Variants in NELL2 observed in about 807,000 individuals in gnomAD.
NELL2 encodes the protein neural EGFL like 2.
In NELL2, 41 loss-of-function variants were observed where a neutral mutation model predicts 109.6. The observed-to-expected ratio is 0.37, with a 90% confidence interval of 0.29 to 0.49. NELL2 has a LOEUF of 0.49. NELL2 is among the 20% of genes least tolerant of loss of function. NELL2 has a pLI of 0.98. For missense variants in NELL2, 900 were observed against 1,008.3 expected, an observed-to-expected ratio of 0.89 and a Z score of 1.45; for synonymous variants, 355 against 344.7, an observed-to-expected ratio of 1.03 and a Z score of -0.33.
chr12:44,540,066 T>A (rs1344066086), intron 15 of NELL2, among the ~76,000 whole-genome samples: 2 of 152,132 alleles, frequency 1.3e-5, no homozygotes, highest in East Asian at 3.9e-4. Flanking sequence ...TTAGATGGAG[T>A]ACAATAGGTG....
intron 9 of NELL2, among the ~76,000 whole-genome samples, chr12:44,726,395 AGTGG>A (rs1269681146): frequency 1.3e-5 from 2 of 152,110 alleles, no homozygotes; most frequent in Non-Finnish European, 2.9e-5. Flanking sequence ...TGTTGCCTAA[AGTGG>A]GTGATGCAAT....
intron 2 of NELL2, among the ~76,000 whole-genome samples, chr12:44,866,357 T>C (rs1944999708): frequency 6.6e-6 from 1 of 152,028 alleles, no homozygotes; most frequent in Non-Finnish European, 1.5e-5. Context: ...GAACAACTAA[T>C]TGGTCAAAAA....
chr12:44,665,459 T>C, intron 13 of NELL2, 25 bp downstream of exon 13: 1 of 1,568,234 alleles, frequency 6.4e-7, no homozygotes, highest in Non-Finnish European at 8.6e-7. Flanking sequence ...AAAAATATTT[T>C]ATTTCACAAA....
chr12:44,781,170 C>T (rs962811175), intron 3 of NELL2, among the ~76,000 whole-genome samples: 4 of 150,192 alleles, frequency 2.7e-5, no homozygotes, highest in African/African-American at 9.8e-5. Flanking sequence ...TAGAAAGTTT[C>T]AATAAAGAAA....
intron 3 of NELL2, among the ~76,000 whole-genome samples, chr12:44,791,048 C>A (rs377447703): frequency 8.9e-6 from 1 of 112,510 alleles, no homozygotes; most frequent in East Asian, 2.6e-4. Context: ...GAGATAGACA[C>A]CAAGAAGAAA....
At chr12:44,694,766 T>C (rs1271153153) in intron 12 of NELL2, among the ~76,000 whole-genome samples, 1 of 152,032 alleles carries the variant, frequency 6.6e-6, no homozygotes, top group Non-Finnish European at 1.5e-5. Context: ...AGCCTCCCAT[T>C]AGATCCAGCA....
intron 13 of NELL2, among the ~76,000 whole-genome samples, chr12:44,624,807 T>G (rs1946179966): frequency 1.3e-5 from 2 of 151,866 alleles, no homozygotes; most frequent in Non-Finnish European, 2.9e-5. Flanking sequence ...ACTTGGTCTC[T>G]GCATTCTCCA....
At chr12:44,829,267 T>G (rs1287111401) in intron 2 of NELL2, among the ~76,000 whole-genome samples, 1 of 152,162 alleles carries the variant, frequency 6.6e-6, no homozygotes, top group Non-Finnish European at 1.5e-5. Flanking sequence ...ATTCACAACT[T>G]TAATAGCCTG....
intron 15 of NELL2, among the ~76,000 whole-genome samples, chr12:44,579,842 A>T (rs1289669392): frequency 6.6e-6 from 1 of 152,112 alleles, no homozygotes; most frequent in Non-Finnish European, 1.5e-5. Flanking sequence ...TATTACCTCA[A>T]TTACCTCATC....
chr12:44,514,941 T>C (rs1462698476), intron 19 of NELL2, among the ~76,000 whole-genome samples: 2 of 150,990 alleles, frequency 1.3e-5, no homozygotes, highest in Non-Finnish European at 3.0e-5. Context: ...TATAATAAGT[T>C]AATGATATAT....
chr12:44,719,073 T>C (rs73278117), intron 9 of NELL2, among the ~76,000 whole-genome samples: 11,613 of 152,226 alleles, frequency 0.076, 1,431 homozygotes, highest in African/African-American at 0.26. Flanking sequence ...ATAATTATGA[T>C]GGAATCCAAA....
intron 3 of NELL2, among the ~76,000 whole-genome samples, chr12:44,806,060 T>C (rs926370538): frequency 1.3e-5 from 2 of 151,642 alleles, no homozygotes; most frequent in African/African-American, 2.4e-5. Flanking sequence ...ATCCCACCCT[T>C]TAGAGACAGA....
At chr12:44,598,041 C>T (rs903775086) in intron 15 of NELL2, among the ~76,000 whole-genome samples, 2 of 151,446 alleles carry the variant, frequency 1.3e-5, no homozygotes, top group Non-Finnish European at 2.9e-5. Flanking sequence ...CTGTCATTCA[C>T]AAATTTGATT....
intron 3 of NELL2, among the ~76,000 whole-genome samples, chr12:44,787,780 C>T (rs567538591): frequency 5.9e-5 from 9 of 152,136 alleles, no homozygotes; most frequent in African/African-American, 2.2e-4. Flanking sequence ...ATTTTAACTT[C>T]AGTCTCACAC....
intron 13 of NELL2, among the ~76,000 whole-genome samples, chr12:44,628,392 C>A (rs1245139853): frequency 6.6e-6 from 1 of 152,182 alleles, no homozygotes. Context: ...AGCTACTGCA[C>A]TGAAACACAA....
intron 13 of NELL2, among the ~76,000 whole-genome samples, chr12:44,660,431 T>C (rs1947698500): frequency 6.6e-6 from 1 of 152,094 alleles, no homozygotes; most frequent in African/African-American, 2.4e-5. Context: ...ATAAAACATT[T>C]CCTTAAGCAG....
At chr12:44,800,816 G>T (rs946008728) in intron 3 of NELL2, among the ~76,000 whole-genome samples, 2 of 152,184 alleles carry the variant, frequency 1.3e-5, no homozygotes, top group Non-Finnish European at 1.5e-5. Flanking sequence ...AAGCATTGAT[G>T]CATGGAAGAC....
intron 16 of NELL2, among the ~76,000 whole-genome samples, chr12:44,527,922 G>A (rs12312002): frequency 0.033 from 5,052 of 151,396 alleles, 257 homozygotes; most frequent in African/African-American, 0.12. Flanking sequence ...GTGAAACCCC[G>A]TCTCTACTAA....
At chr12:44,728,445 G>C (rs942129936) in intron 9 of NELL2, among the ~76,000 whole-genome samples, 1 of 151,772 alleles carries the variant, frequency 6.6e-6, no homozygotes, top group Admixed American at 6.6e-5. Flanking sequence ...GGAGCAAAAA[G>C]GAAAACAAAT....
Sources: allele counts gnomAD v4.1 joint callset (sites outside exome capture counted in the v4.1 genomes callset), GRCh38; gene constraint gnomAD v4.1.1; transcripts MANE v1.5; gene names NCBI Gene and HGNC (gene_info 2026-07-23, HGNC 2026-07-21).